Variants in XRCC4 observed in about 807,000 individuals in gnomAD.
XRCC4 encodes the protein DNA repair protein XRCC4.
In XRCC4, 28 loss-of-function variants were observed where a neutral mutation model predicts 39.1. The observed-to-expected ratio is 0.72, with a 90% CI of 0.53 to 0.98. The LOEUF is 0.98. Ranked by LOEUF, XRCC4 falls within the 50% of genes least tolerant of loss-of-function variation. XRCC4 has a pLI of 0.00. For synonymous variants in XRCC4, 123 were observed against 126.4 expected (o/e 0.97, Z 0.18); for missense variants, 350 against 376.4 (o/e 0.93, Z 0.58).
chr5:83,087,885 A>G (rs149042689), intron 1 of XRCC4, among the ~76,000 whole-genome samples: 1 of 152,104 alleles, frequency 6.6e-6, no homozygotes, highest in Admixed American at 6.5e-5. Flanking sequence ...TGTATTTCTG[A>G]TGTTTCACTG....
Position 83,104,926 on chromosome 5 carries a change from AG to A in XRCC4, c.8del (p.Arg3LysfsTer3). On this transcript the variant is annotated frameshift_variant, in exon 2 of 8. Coordinates refer to ENST00000396027, the MANE Select transcript of XRCC4 (RefSeq NM_003401.5). LOFTEE classifies it high-confidence loss of function. MERKISRIHLVSE... is the reference protein window; with the variant it reads MEXKISRIHLVSE... ...CCATTACAGGTATTAAGAAATGGAG[AG>A]AAAAATAAGCAGAATCCACCTTGTT... 6.2e-7 allele frequency: 1 copy of A among 1,613,088 alleles called. No homozygotes were observed. Among genetic ancestry groups the A allele is most frequent in the Non-Finnish European group, 8.5e-7 (1 of 1,179,334 alleles).
At chr5:83,133,936 G>A (rs10061521) in intron 3 of XRCC4, among the ~76,000 whole-genome samples, 73,607 of 151,994 alleles carry the variant, frequency 0.48, 18,789 homozygotes, top group African/African-American at 0.63. Context: ...CTCTGCTGGC[G>A]GGGCAGTGTG....
intron 6 of XRCC4, among the ~76,000 whole-genome samples, chr5:83,221,940 G>T (rs1011307627): frequency 1.3e-5 from 2 of 151,650 alleles, no homozygotes; most frequent in Admixed American, 1.3e-4. Flanking sequence ...GTTATCTTTC[G>T]TAATGCTTCT....
intron 3 of XRCC4, among the ~76,000 whole-genome samples, chr5:83,170,344 A>G (rs978184300): frequency 6.6e-6 from 1 of 152,170 alleles, no homozygotes; most frequent in Non-Finnish European, 1.5e-5. Flanking sequence ...TGTGCCTTAT[A>G]TGACATTTGG....
At chr5:83,296,481 G>A (rs1399531349) in intron 7 of XRCC4, among the ~76,000 whole-genome samples, 1 of 152,062 alleles carries the variant, frequency 6.6e-6, no homozygotes. Context: ...CTCTGCCATA[G>A]CTGTTCTTAT....
intron 3 of XRCC4, among the ~76,000 whole-genome samples, chr5:83,131,932 G>A (rs1363272846): frequency 2.0e-5 from 3 of 152,108 alleles, no homozygotes; most frequent in Non-Finnish European, 4.4e-5. Flanking sequence ...TATGACGTTA[G>A]CTGGTTATTT....
At chr5:83,223,340 A>G (rs1321226771) in intron 6 of XRCC4, among the ~76,000 whole-genome samples, 2 of 152,062 alleles carry the variant, frequency 1.3e-5, no homozygotes, top group Admixed American at 6.5e-5. Context: ...AAAGGAGTCT[A>G]TTCAATCTCC....
chr5:83,272,541 A>G (rs1172170579), intron 7 of XRCC4, among the ~76,000 whole-genome samples: 2 of 151,820 alleles, frequency 1.3e-5, no homozygotes, highest in African/African-American at 2.4e-5. Flanking sequence ...TACGCCCCGT[A>G]TGCATTAGGT....
At position 83,111,086 on chromosome 5, in the gene XRCC4, T is replaced by C. The variant is rs780274130; in HGVS notation, c.198T>C (p.Tyr66=). The C allele has an allele frequency of 1.6e-5, 26 of 1,612,186 alleles. No homozygotes were observed. The highest frequency in any genetic ancestry group is 1.8e-5 in the Non-Finnish European group (21 of 1,179,158). ...ACATGGCAATGGAAAAAGGGAAATA[T>C]GTTGGTGAACTGAGAAAAGCATTGT... ...ADDMAMEKGK[Y]VGELRKALLS... is the part of the protein sequence containing the mutation. The change falls in exon 3 of 8, where the codon TAT becomes TAC. Residue 66 remains tyrosine (Y), a synonymous_variant. Coordinates refer to ENST00000396027, the MANE Select transcript of XRCC4 (RefSeq NM_003401.5).
chr5:83,262,143 A>G (rs1753774575), intron 7 of XRCC4, among the ~76,000 whole-genome samples: 3 of 152,084 alleles, frequency 2.0e-5, no homozygotes, highest in African/African-American at 7.2e-5. Context: ...TCTCACACAA[A>G]CCCTACAAGA....
At chr5:83,350,744 T>A (rs1324081602) in intron 7 of XRCC4, among the ~76,000 whole-genome samples, 1 of 152,198 alleles carries the variant, frequency 6.6e-6, no homozygotes, top group African/African-American at 2.4e-5. Flanking sequence ...TAGTTTCTTT[T>A]GCTGTGTAGA....
chr5:83,363,491 C>T, the XRCC4 span, among the ~76,000 whole-genome samples: 209 of 152,320 alleles, frequency 1.4e-3, no homozygotes, highest in African/African-American at 4.9e-3. Flanking sequence ...CACAACCACA[C>T]GCACTCAGAC....
In XRCC4 at chr5:83,185,412, A is replaced by G. The variant is rs527807597; in HGVS notation, c.316-10358A>G. On this transcript the variant is annotated intron_variant, in intron 3 of 7. Transcript: ENST00000396027. Reference sequence around the variant, plus strand: ...ATTAAGGTATGATTGATATACAAAAAAAGTATGTATTATATATATATATAT... The same window carrying G: ...ATTAAGGTATGATTGATATACAAAAGAAGTATGTATTATATATATATATAT... Among the ~76,000 whole-genome samples the G allele has an allele frequency of 1.4e-4, 19 of 131,400 alleles. No homozygotes were observed. In the East Asian group the frequency reaches 3.6e-3, roughly 25 times the overall value. 86.2% of individuals were successfully genotyped at this position (131,400 alleles called of 152,430 possible). A position where few individuals can be genotyped will look rare whatever the true frequency, so the allele number is the denominator to read the frequency against.
At chr5:83,300,995 G>T (rs189884273) in intron 7 of XRCC4, among the ~76,000 whole-genome samples, 113 of 152,188 alleles carry the variant, frequency 7.4e-4, no homozygotes, top group African/African-American at 2.6e-3. Flanking sequence ...GGGCATTTGG[G>T]TTGGTTCCAA....
chr5:83,272,391 G>A (rs941032163), intron 7 of XRCC4, among the ~76,000 whole-genome samples: 2 of 151,958 alleles, frequency 1.3e-5, no homozygotes, highest in Non-Finnish European at 1.5e-5. Flanking sequence ...GTGTTCCCTT[G>A]TTGTTACACC....
chr5:83,186,798 A>G (rs778115324), intron 3 of XRCC4, among the ~76,000 whole-genome samples: 1 of 152,200 alleles, frequency 6.6e-6, no homozygotes, highest in African/African-American at 2.4e-5. Flanking sequence ...TCTGTGGCAT[A>G]AAAGTTCAAT....
At chr5:83,299,230 A>G (rs1755192658) in intron 7 of XRCC4, among the ~76,000 whole-genome samples, 1 of 152,122 alleles carries the variant, frequency 6.6e-6, no homozygotes, top group Non-Finnish European at 1.5e-5. Flanking sequence ...CAGCATTCAA[A>G]GATTTAATTT....
intron 6 of XRCC4, among the ~76,000 whole-genome samples, chr5:83,215,768 C>T (rs994422129): frequency 4.6e-5 from 7 of 152,074 alleles, no homozygotes; most frequent in Non-Finnish European, 7.4e-5. Flanking sequence ...AATTGGGTAT[C>T]GACTTGAAAA....
intron 7 of XRCC4, among the ~76,000 whole-genome samples, chr5:83,349,112 C>T (rs1757004959): frequency 1.3e-5 from 2 of 152,142 alleles, no homozygotes; most frequent in Non-Finnish European, 2.9e-5. Context: ...CTGTTCCAAC[C>T]TCTACTTATT....
Sources: gnomAD v4.1 joint callset for allele counts (sites outside exome capture counted in the v4.1 genomes callset) on GRCh38, gnomAD v4.1.1 for gene constraint, MANE v1.5 for transcripts, NCBI Gene and HGNC (gene_info 2026-07-23, HGNC 2026-07-21) for gene names.